The following IPP variants were observed in gnomAD, a reference collection of about 807,000 sequenced individuals.
The protein encoded by IPP is intracisternal A particle-promoted polypeptide.
IPP carries 41 observed loss-of-function variants against 64.1 expected under a neutral mutation model. The observed-to-expected ratio is 0.64, with a 90% CI of 0.50 to 0.83. The LOEUF is 0.83. Ranked by LOEUF, IPP falls within the 40% of genes least tolerant of loss-of-function variation. The pLI is 0.00. For synonymous variants in IPP, 214 were observed against 235.2 expected (o/e 0.91, Z 0.83); for missense variants, 649 against 703.0 (o/e 0.92, Z 0.87).
At chr1:45,694,449 T>C (rs1484177988), downstream of IPP, 1 of 1,536,362 alleles carries the variant, frequency 6.5e-7, no homozygotes, top group South Asian at 1.2e-5. Flanking sequence ...TGTTAGAGTC[T>C]TGTGATCATT....
At chr1:45,749,641 C>T (rs1646192173) in intron 1 of IPP, among the ~76,000 whole-genome samples, 1 of 151,364 alleles carries the variant, frequency 6.6e-6, no homozygotes, top group Non-Finnish European at 1.5e-5. Flanking sequence ...CTGCCTCAGC[C>T]TCCCGAGCAG....
At chr1:45,730,696 T>C (rs1645894670) in intron 3 of IPP, among the ~76,000 whole-genome samples, 1 of 145,954 alleles carries the variant, frequency 6.9e-6, no homozygotes, top group South Asian at 2.3e-4. Context: ...CACTATTTCC[T>C]AATTTGCACA....
At chr1:45,701,646 A>C (rs1168583610) in intron 8 of IPP, among the ~76,000 whole-genome samples, 2 of 152,236 alleles carry the variant, frequency 1.3e-5, no homozygotes, top group Non-Finnish European at 2.9e-5. Flanking sequence ...AAGCTACTAA[A>C]GGTCCTAAGA....
chr1:45,740,803 C>A, intron 3 of IPP, 98 bp downstream of exon 3: 1 of 674,148 alleles, frequency 1.5e-6, no homozygotes, highest in Non-Finnish European at 2.4e-6. Context: ...CAATAAATGT[C>A]TGTTACTGAA....
chr1:45,716,736 A>C (rs1645663913), intron 7 of IPP, among the ~76,000 whole-genome samples, 159 bp downstream of exon 7: 1 of 152,350 alleles, frequency 6.6e-6, no homozygotes, highest in South Asian at 2.1e-4. Flanking sequence ...ACAGAAATAA[A>C]AGTCAATGAT....
In IPP at chr1:45,698,721, T is replaced by A; in HGVS notation, c.*1245A>T. The A allele has an allele frequency of 1.3e-5, 5 of 379,584 alleles. No homozygotes were observed. The highest frequency in any genetic ancestry group is 1.6e-5 in the Non-Finnish European group (5 of 320,128). The allele number at this position is 379,584 out of a possible 1,614,324, so 23.5% of individuals were successfully genotyped here. On this transcript the variant is annotated 3_prime_UTR_variant, in exon 9 of 9. Transcript: ENST00000396478. ...AAAAAGGAAGAATTTTTTTTTCTTT[T>A]TTTTTTTTTTTTTTTGAGACAGGTT...
In IPP at chr1:45,746,170, A is replaced by G; in HGVS notation, c.242T>C (p.Leu81Pro). 1 of 1,614,094 alleles carries G rather than the reference A, an allele frequency of 6.2e-7. No individual in the cohort carries two copies. The highest frequency in any genetic ancestry group is 8.5e-7 in the Non-Finnish European group (1 of 1,179,910). ...KESSKDVVPILGIEAGIFQIL... is the reference protein window; with the variant it reads ...KESSKDVVPIPGIEAGIFQIL... ...CTGAAAGATTCCTGCTTCAATTCCT[A>G]GAATCGGTACAACATCTTTTGAGGA... The change falls in exon 2 of 9, where the codon CTA (leucine) becomes CCA (proline). Residue 81 changes from leucine to proline, a missense_variant. Transcript: ENST00000396478.
At chr1:45,724,876 G>A (rs200440275) in intron 5 of IPP, among the ~76,000 whole-genome samples, 7 of 135,766 alleles carry the variant, frequency 5.2e-5, no homozygotes, top group Non-Finnish European at 8.0e-5. Flanking sequence ...CCACCCCGTC[G>A]GGGAGGGAGG....
intron 1 of IPP, among the ~76,000 whole-genome samples, chr1:45,750,364 AG>A (rs1646205076): frequency 6.6e-6 from 1 of 152,230 alleles, no homozygotes; most frequent in South Asian, 2.1e-4. Context: ...ACACAGCCTC[AG>A]GATTCCCCAG....
chr1:45,719,130 A>T, intron 6 of IPP, 73 bp downstream of exon 6: 1 of 1,414,150 alleles, frequency 7.1e-7, no homozygotes, highest in East Asian at 2.4e-5. Context: ...TATACCTATT[A>T]TGTATCCACA....
intron 2 of IPP, among the ~76,000 whole-genome samples, chr1:45,744,236 C>T (rs753756292): frequency 1.3e-5 from 2 of 152,164 alleles, no homozygotes; most frequent in African/African-American, 2.4e-5. Flanking sequence ...ACTGAAGCCG[C>T]AGCATCCTGG....
chr1:45,705,443 C>T (rs1645502206), intron 8 of IPP, among the ~76,000 whole-genome samples: 1 of 152,130 alleles, frequency 6.6e-6, no homozygotes. Context: ...CATAATAGAT[C>T]AATTGTTACC....
chr1:45,714,611 T>G, intron 7 of IPP, 145 bp from the exon 8 acceptor site: 1 of 623,766 alleles, frequency 1.6e-6, no homozygotes, highest in East Asian at 2.8e-5. Context: ...AAAATCAACT[T>G]TGTCAACTTT....
At chr1:45,705,805 CAACAAACA>C (rs147394941) in intron 8 of IPP, among the ~76,000 whole-genome samples, 26 of 151,478 alleles carry the variant, frequency 1.7e-4, no homozygotes, top group Non-Finnish European at 2.2e-4. Flanking sequence ...GACATCGTCT[CAACAAACA>C]AACAAACAAA....
intron 1 of IPP, among the ~76,000 whole-genome samples, chr1:45,749,525 G>GT (rs779346516): frequency 0.051 from 5,450 of 106,910 alleles, 271 homozygotes; most frequent in Admixed American, 0.12. Context: ...TTTGTTTTTT[G>GT]TTTTTTTTTT....
intron 5 of IPP, among the ~76,000 whole-genome samples, chr1:45,726,344 G>C (rs1645827678): frequency 6.6e-6 from 1 of 152,040 alleles, no homozygotes; most frequent in South Asian, 2.1e-4. Context: ...TGTAATCCCA[G>C]CTACAGAGGA....
intron 8 of IPP, among the ~76,000 whole-genome samples, chr1:45,709,242 G>A (rs986955883): frequency 7.4e-5 from 11 of 148,888 alleles, no homozygotes; most frequent in African/African-American, 2.7e-4. Flanking sequence ...GACCATCCTG[G>A]CTAACAGAGT....
intron 8 of IPP, among the ~76,000 whole-genome samples, chr1:45,706,024 A>G (rs1645508519): frequency 6.6e-6 from 1 of 152,126 alleles, no homozygotes; most frequent in African/African-American, 2.4e-5. Context: ...TACAGTATAC[A>G]GGTCCCCTTC....
At chr1:45,712,878 A>AATATATATATATATATAT (rs1553189323) in intron 8 of IPP, among the ~76,000 whole-genome samples, 1 of 138,640 alleles carries the variant, frequency 7.2e-6, no homozygotes, top group East Asian at 2.1e-4. Flanking sequence ...AAAAAAAAAA[A>AATATATATATATATATAT]ATATATATAT....
Sources: gnomAD v4.1 joint callset for allele counts (sites outside exome capture counted in the v4.1 genomes callset) on GRCh38, gnomAD v4.1.1 for gene constraint, MANE v1.5 for transcripts, NCBI Gene and HGNC (gene_info 2026-07-23, HGNC 2026-07-21) for gene names.